ANKS1B: variants seen among roughly 807,000 people sequenced by gnomAD.
ANKS1B encodes the protein ankyrin repeat and sterile alpha motif domain containing 1B, also known as ankyrin repeat and sterile alpha motif domain-containing protein 1B.
ANKS1B carries 36 observed loss-of-function variants against 148.3 expected under a neutral mutation model. The ratio of observed to expected loss-of-function variants is 0.24; its 90% CI spans 0.19 to 0.32. The LOEUF (loss-of-function observed/expected upper bound fraction) is 0.32. Ranked by LOEUF, ANKS1B falls within the 10% of genes least tolerant of loss-of-function variation. ANKS1B has a pLI of 1.00. For missense variants in ANKS1B, 1,157 were observed against 1,542.6 expected (o/e 0.75, Z 4.19); for synonymous variants, 542 against 560.8 (o/e 0.97, Z 0.47).
intron 15 of ANKS1B, among the ~76,000 whole-genome samples, chr12:99,133,484 T>C (rs573470672): frequency 1.7e-4 from 26 of 152,320 alleles, no homozygotes; most frequent in African/African-American, 6.3e-4. Flanking sequence ...AAGAAGCCTG[T>C]GGTGTTGACT....
intron 17 of ANKS1B, among the ~76,000 whole-genome samples, chr12:98,934,803 T>A (rs2099816938): frequency 6.6e-6 from 1 of 152,008 alleles, no homozygotes; most frequent in Non-Finnish European, 1.5e-5. Context: ...AATTTTTATA[T>A]ATTGATTTGG....
chr12:99,040,389 C>T (rs541857313), intron 17 of ANKS1B, among the ~76,000 whole-genome samples: 124 of 152,078 alleles, frequency 8.2e-4, no homozygotes, highest in Middle Eastern at 6.8e-3. Flanking sequence ...GTGGCTGCCA[C>T]GAAGAAGAAA....
At chr12:98,982,526 T>C (rs1245464305) in intron 17 of ANKS1B, among the ~76,000 whole-genome samples, 2 of 152,210 alleles carry the variant, frequency 1.3e-5, no homozygotes, top group Non-Finnish European at 2.9e-5. Context: ...ATGACTACTC[T>C]CTTGAATTTT....
At chr12:98,852,399 G>A (rs754487248) in intron 17 of ANKS1B, among the ~76,000 whole-genome samples, 8 of 152,122 alleles carry the variant, frequency 5.3e-5, no homozygotes, top group Non-Finnish European at 8.8e-5. Flanking sequence ...GATGACTCTG[G>A]AAATTAGGCT....
At chr12:99,651,977 T>G (rs1223512359) in intron 9 of ANKS1B, among the ~76,000 whole-genome samples, 2 of 151,466 alleles carry the variant, frequency 1.3e-5, no homozygotes, top group East Asian at 3.9e-4. Context: ...CATATTATAT[T>G]TTTAATTGCA....
intron 9 of ANKS1B, among the ~76,000 whole-genome samples, chr12:99,571,843 G>A (rs768461959): frequency 7.9e-5 from 12 of 152,142 alleles, no homozygotes; most frequent in Non-Finnish European, 1.3e-4. Flanking sequence ...GACAAATGGT[G>A]TGAGTTAGGA....
At position 98,781,175 on chromosome 12, in the gene ANKS1B, G is replaced by C; in HGVS notation, c.3383C>G (p.Pro1128Arg). Residue 1128 changes from proline to arginine, a missense_variant, in exon 24 of 27, where the codon CCT (proline) becomes CGT (arginine). Physicochemically the swap from Pro to Arg is moderately radical, Grantham distance 103 (BLOSUM62 -2). This residue lies in a region of ANKS1B where 258 missense variants were observed against 497.0 expected (regional missense o/e 0.52). Coordinates refer to ENST00000683438, the MANE Select transcript of ANKS1B (RefSeq NM_001352186.2). ...ATATGAGACAGAAAGAATAATAGTA[G>C]GGACCTTCTTCATTTGCTCTGTAGA... ...QKSTEQMKKV[P>R]TIILSVSYKG... 1 of 1,586,660 alleles carries C rather than the reference G, an allele frequency of 6.3e-7. No individual in the cohort carries two copies. The highest frequency in any genetic ancestry group is 8.6e-7 in the Non-Finnish European group (1 of 1,164,736).
At chr12:99,540,317 A>G (rs2097112714) in intron 9 of ANKS1B, among the ~76,000 whole-genome samples, 1 of 152,184 alleles carries the variant, frequency 6.6e-6, no homozygotes, top group African/African-American at 2.4e-5. Flanking sequence ...AGTAGACCTA[A>G]CAGACATCTA....
At chr12:98,815,067 G>T (rs1361395757) in intron 19 of ANKS1B, among the ~76,000 whole-genome samples, 1 of 152,112 alleles carries the variant, frequency 6.6e-6, no homozygotes, top group Non-Finnish European at 1.5e-5. Flanking sequence ...CCTCCTAAAG[G>T]TGGACTTCCT....
At chr12:99,864,638 T>C (rs1047504725) in intron 1 of ANKS1B, among the ~76,000 whole-genome samples, 4 of 152,216 alleles carry the variant, frequency 2.6e-5, no homozygotes, top group African/African-American at 9.6e-5. Context: ...GGGGTCTGAA[T>C]TCAGATTCTG....
intron 1 of ANKS1B, among the ~76,000 whole-genome samples, chr12:99,902,768 T>TTC (rs2093642489): frequency 6.7e-6 from 1 of 148,746 alleles, no homozygotes; most frequent in Non-Finnish European, 1.5e-5. Context: ...TTTTTTTTTT[T>TTC]GAGACAGAGT....
At chr12:99,602,935 C>T (rs1057265317) in intron 9 of ANKS1B, among the ~76,000 whole-genome samples, 3 of 152,030 alleles carry the variant, frequency 2.0e-5, no homozygotes, top group African/African-American at 4.8e-5. Context: ...TCTCTCTATA[C>T]GCACTTTCAT....
chr12:98,751,277 A>C lies in ANKS1B; in HGVS notation c.3747+78T>G. 1.4e-6 allele frequency: 2 copies of C among 1,464,418 alleles called. No individual in the cohort carries two copies. The highest frequency in any genetic ancestry group is 1.8e-6 in the Non-Finnish European group (2 of 1,083,408). 90.7% of individuals were successfully genotyped at this position (1,464,418 alleles called of 1,614,324 possible). ...GGCCCTGGGTTCTAATGGCACCCAC[A>C]CCACACAAGGGCCTGGTTAGCAGCC... On this transcript the variant is annotated intron_variant, in intron 26 of 26. Transcript: ENST00000683438. The surrounding 1 kb of genome is among the most constrained non-coding windows in gnomAD (Gnocchi z 4.3).
In ANKS1B at chr12:98,744,630, C is replaced by CT. The variant is rs754159329; in HGVS notation, c.*1108dup. The CT allele has an allele frequency of 3.2e-4, 267 of 827,206 alleles. No homozygotes were observed. The highest frequency in any genetic ancestry group is 3.5e-4 in the Non-Finnish European group (239 of 688,624). The allele number at this position is 827,206 out of a possible 1,614,324, so 51.2% of individuals were successfully genotyped here. Reference sequence around the variant, plus strand: ...TTTATTTAATCAAATAGTAAGCAAACTTTTTTTTTGTTTGTCTCAAGAAAA... The same window carrying CT: ...TTTATTTAATCAAATAGTAAGCAAACTTTTTTTTTTGTTTGTCTCAAGAAAA... On this transcript the variant is annotated 3_prime_UTR_variant, in exon 27 of 27. Coordinates refer to ENST00000683438, the MANE Select transcript of ANKS1B (RefSeq NM_001352186.2).
intron 9 of ANKS1B, among the ~76,000 whole-genome samples, chr12:99,537,972 T>C (rs767010620): frequency 3.3e-5 from 5 of 152,288 alleles, no homozygotes; most frequent in Non-Finnish European, 5.9e-5. Flanking sequence ...TTATTCTGCA[T>C]ATAGATATCC....
intron 15 of ANKS1B, among the ~76,000 whole-genome samples, chr12:99,107,927 C>A (rs546915418): frequency 2.0e-5 from 3 of 152,072 alleles, no homozygotes; most frequent in African/African-American, 7.2e-5. Context: ...TAAACCATAG[C>A]GACATTACAC....
At chr12:99,275,404 T>C (rs1257939376) in intron 12 of ANKS1B, among the ~76,000 whole-genome samples, 1 of 152,226 alleles carries the variant, frequency 6.6e-6, no homozygotes, top group African/African-American at 2.4e-5. Context: ...TTCAATTGTT[T>C]TGATGTTTAG....
intron 9 of ANKS1B, among the ~76,000 whole-genome samples, chr12:99,530,809 A>G (rs1200929294): frequency 2.0e-5 from 3 of 152,184 alleles, no homozygotes; most frequent in Non-Finnish European, 4.4e-5. Context: ...CCCTCACAGT[A>G]TAGTACTGTC....
At chr12:98,999,841 G>C (rs536509645) in intron 17 of ANKS1B, among the ~76,000 whole-genome samples, 25 of 152,246 alleles carry the variant, frequency 1.6e-4, no homozygotes, top group African/African-American at 5.5e-4. Flanking sequence ...AACACGCAGT[G>C]GCTACAACTG....
Sources: allele counts gnomAD v4.1 joint callset (sites outside exome capture counted in the v4.1 genomes callset), GRCh38; gene constraint gnomAD v4.1.1; regional missense constraint gnomAD v4.1.1; non-coding constraint Gnocchi (gnomAD v3.1); transcripts MANE v1.5; gene names NCBI Gene and HGNC (gene_info 2026-07-23, HGNC 2026-07-21).